Variants in CFAP251 observed in about 807,000 individuals in gnomAD.
CFAP251 encodes cilia and flagella associated protein 251.
A neutral mutation model predicts 126.7 loss-of-function variants in CFAP251; 93 were observed. That is an observed-to-expected ratio of 0.73 (90% CI 0.62 to 0.87). CFAP251 has a LOEUF of 0.87. Ranked by LOEUF, CFAP251 falls within the 40% of genes least tolerant of loss-of-function variation. CFAP251 has a pLI of 0.00. For synonymous variants in CFAP251, 503 were observed against 506.9 expected (o/e 0.99, Z 0.10); for missense variants, 1,287 against 1,389.2 (o/e 0.93, Z 1.17).
At chr12:121,978,626 T>G (rs2135802365) in intron 19 of CFAP251, among the ~76,000 whole-genome samples, 1 of 152,200 alleles carries the variant, frequency 6.6e-6, no homozygotes, top group African/African-American at 2.4e-5. Flanking sequence ...TATATATATG[T>G]ATATACCTAT....
chr12:121,940,841 T>C (rs1881082122), intron 5 of CFAP251, among the ~76,000 whole-genome samples: 1 of 152,114 alleles, frequency 6.6e-6, no homozygotes, highest in South Asian at 2.1e-4. Flanking sequence ...AGAGGAACCA[T>C]TGCTTACAGT....
At chr12:121,978,035 G>T (rs1882513145) in intron 19 of CFAP251, among the ~76,000 whole-genome samples, 1 of 151,030 alleles carries the variant, frequency 6.6e-6, no homozygotes, top group African/African-American at 2.4e-5. Context: ...ATACCACATG[G>T]AATATGTGTT....
chr12:121,921,560 A>G lies in CFAP251; in HGVS notation c.255A>G (p.Gln85=), dbSNP rs1402789984. 6.2e-7 allele frequency: 1 copy of G among 1,613,954 alleles called. No individual in the cohort carries two copies. The highest frequency in any genetic ancestry group is 2.2e-5 in the East Asian group (1 of 44,882). Residue 85 remains glutamine, a synonymous_variant, in exon 2 of 22, where the codon CAA becomes CAG. Transcript: ENST00000288912. ...EETEEKAGEV[Q]EKEASGIQEE... ...CTGAGGAAAAGGCTGGAGAAGTCCA[A>G]GAGAAGGAGGCTTCAGGAATACAGG...
intron 20 of CFAP251, among the ~76,000 whole-genome samples, chr12:122,001,275 C>T (rs1565927809): frequency 6.6e-6 from 1 of 151,680 alleles, no homozygotes; most frequent in Non-Finnish European, 1.5e-5. Flanking sequence ...AGGCTGGTCT[C>T]GAACTCCTGA....
chr12:121,940,363 C>G (rs1318200852), intron 5 of CFAP251, among the ~76,000 whole-genome samples: 2 of 152,154 alleles, frequency 1.3e-5, no homozygotes. Context: ...ATTGCCTTCC[C>G]AGGTGAATTT....
chr12:121,994,403 C>T (rs1298186260), intron 19 of CFAP251, among the ~76,000 whole-genome samples: 1 of 93,578 alleles, frequency 1.1e-5, no homozygotes, highest in Non-Finnish European at 2.3e-5. Context: ...CCCGGCCGCC[C>T]CTACTGGGAA....
At chr12:121,966,509 T>C (rs1355542645) in intron 15 of CFAP251, among the ~76,000 whole-genome samples, 1 of 132,916 alleles carries the variant, frequency 7.5e-6, no homozygotes, top group Non-Finnish European at 1.6e-5. Flanking sequence ...CTGACCTCAG[T>C]TGATCCACCT....
At chr12:121,992,491 T>C (rs1882898430) in intron 19 of CFAP251, 1 of 985,300 alleles carries the variant, frequency 1.0e-6, no homozygotes, top group African/African-American at 1.7e-5. Context: ...GAATTCCTTT[T>C]GTCGTCTTAG....
Position 121,931,872 on chromosome 12 carries a change from C to G in CFAP251, c.874C>G (p.Gln292Glu), listed in dbSNP as rs781143639. The G allele has an allele frequency of 1.3e-6, 2 of 1,572,284 alleles. No homozygotes were observed. Among genetic ancestry groups the G allele is most frequent in the East Asian group, 2.4e-5 (1 of 41,746 alleles). The change falls in exon 4 of 22, where the codon CAA becomes GAA. Residue 292 changes from glutamine to glutamate, a missense_variant. Gln to Glu is a conservative substitution (Grantham distance 29). Coordinates refer to ENST00000288912, the MANE Select transcript of CFAP251 (RefSeq NM_144668.6). ...CATCTACAACGTGTTCAGGAACAAT[C>G]AATACCACCTTCAGGTATGCAGGGA... ...AIIYNVFRNN[Q>E]YHLQGHANII...
At chr12:121,993,227 C>T (rs1248522485) in intron 19 of CFAP251, among the ~76,000 whole-genome samples, 819 of 102,260 alleles carry the variant, frequency 8.0e-3, no homozygotes, top group African/African-American at 0.012. Context: ...CCTCGGCCTC[C>T]CGAGGTGCCG....
At chr12:121,964,647 C>T (rs933292310) in intron 15 of CFAP251, among the ~76,000 whole-genome samples, 1 of 151,638 alleles carries the variant, frequency 6.6e-6, no homozygotes, top group Non-Finnish European at 1.5e-5. Flanking sequence ...GGCTCACGCC[C>T]CAGCATTTGG....
intron 19 of CFAP251, among the ~76,000 whole-genome samples, chr12:121,995,084 G>T (rs73415674): frequency 0.11 from 16,448 of 152,250 alleles, 1,904 homozygotes; most frequent in African/African-American, 0.3. Flanking sequence ...AAAGCCCAAT[G>T]CATACGTATT....
chr12:121,960,968 G>A (rs1881912352), intron 14 of CFAP251, among the ~76,000 whole-genome samples: 1 of 152,194 alleles, frequency 6.6e-6, no homozygotes, highest in South Asian at 2.1e-4. Context: ...GAACGAGGAG[G>A]CTTCCCGGGC....
intron 21 of CFAP251, 189 bp downstream of exon 21, chr12:122,001,787 G>A (rs144732085): frequency 5.3e-5 from 32 of 609,198 alleles, no homozygotes; most frequent in Non-Finnish European, 6.2e-5. Context: ...TTGTTCCCGC[G>A]CTCTGTCCGT....
intron 5 of CFAP251, among the ~76,000 whole-genome samples, chr12:121,939,334 C>T (rs922559021): frequency 1.3e-4 from 20 of 152,114 alleles, no homozygotes; most frequent in Non-Finnish European, 2.6e-4. Flanking sequence ...CACCCATAGC[C>T]GTCTGTGGCT....
intron 19 of CFAP251, chr12:121,998,943 C>G (rs1192241147): frequency 1.4e-5 from 2 of 143,940 alleles, no homozygotes; most frequent in African/African-American, 5.3e-5. Context: ...GAGTGGACAT[C>G]CTTGTCTTTT....
chr12:121,986,591 G>A (rs138644593), intron 19 of CFAP251, among the ~76,000 whole-genome samples: 7,959 of 150,866 alleles, frequency 0.053, 245 homozygotes, highest in Middle Eastern at 0.068. Context: ...GAGCCACCGC[G>A]CCCAGCCGAA....
intron 19 of CFAP251, among the ~76,000 whole-genome samples, chr12:121,996,655 G>A (rs992557015): frequency 3.3e-5 from 5 of 152,112 alleles, no homozygotes; most frequent in Admixed American, 1.3e-4. Context: ...ATGAGAAGGG[G>A]AAAATTTTTT....
chr12:121,987,078 G>A (rs1011718524), intron 19 of CFAP251, among the ~76,000 whole-genome samples: 2 of 152,332 alleles, frequency 1.3e-5, no homozygotes. Context: ...CACCCATAAC[G>A]AGGGGGGTAA....
Sources: allele counts gnomAD v4.1 joint callset (sites outside exome capture counted in the v4.1 genomes callset), GRCh38; gene constraint gnomAD v4.1.1; transcripts MANE v1.5; gene names NCBI Gene and HGNC (gene_info 2026-07-23, HGNC 2026-07-21).